Variants in COL13A1 observed in about 807,000 individuals in gnomAD.
The protein encoded by COL13A1 is collagen type XIII alpha 1 chain.
A neutral mutation model predicts 130.9 loss-of-function variants in COL13A1; 89 were observed. The observed-to-expected ratio is 0.68, with a 90% CI of 0.57 to 0.81. The LOEUF (loss-of-function observed/expected upper bound fraction) is 0.81, where lower values mean the gene tolerates loss of function less well. COL13A1 is among the 30% of genes least tolerant of loss of function. The pLI is 0.00. For synonymous variants in COL13A1, 402 were observed against 341.6 expected, an observed-to-expected ratio of 1.18 and a Z score of -1.95; for missense variants, 879 against 934.6, an observed-to-expected ratio of 0.94 and a Z score of 0.78.
intron 36 of COL13A1, among the ~76,000 whole-genome samples, chr10:69,944,813 G>A (rs897303779): frequency 3.3e-5 from 5 of 152,196 alleles, no homozygotes; most frequent in Non-Finnish European, 7.3e-5. Flanking sequence ...GGCCCTGGGC[G>A]CCATTGTCAC....
chr10:69,923,855 G>C lies in COL13A1; in HGVS notation c.1284G>C (p.Lys428Asn), dbSNP rs2065002837. 1.2e-6 allele frequency: 2 copies of C among 1,611,772 alleles called. No individual in the cohort carries two copies. The highest frequency in any genetic ancestry group is 4.5e-5 in the East Asian group (2 of 44,836). Residue 428 changes from lysine to asparagine, a missense_variant and splice_region_variant, in exon 24 of 41, where the codon AAG (lysine) becomes AAC (asparagine). Physicochemically the swap from Lys to Asn is moderately conservative, Grantham distance 94. Coordinates refer to ENST00000645393, the MANE Select transcript of COL13A1 (RefSeq NM_001368882.1). ...GCCCCCCAGGGCAGCCAGGAGACAA[G>C]GTACAGAGACCCCCACATCCCAGAG... Reference protein sequence around the residue: ...QVGPPGQPGDKGERGAAGEQG... With the variant: ...QVGPPGQPGDNGERGAAGEQG...
chr10:69,929,176 C>A (rs2065782630), intron 28 of COL13A1, among the ~76,000 whole-genome samples, 177 bp downstream of exon 28: 1 of 151,790 alleles, frequency 6.6e-6, no homozygotes, highest in Non-Finnish European at 1.5e-5. Flanking sequence ...TCTAGCCAAC[C>A]CTTGCCATCT....
chr10:69,850,209 C>G (rs991122331), intron 2 of COL13A1, among the ~76,000 whole-genome samples: 1 of 151,346 alleles, frequency 6.6e-6, no homozygotes, highest in African/African-American at 2.4e-5. Flanking sequence ...TGTGCATTAA[C>G]TCATTAAATC....
intron 1 of COL13A1, among the ~76,000 whole-genome samples, chr10:69,811,931 C>A (rs1314405486): frequency 6.6e-6 from 1 of 152,134 alleles, no homozygotes; most frequent in African/African-American, 2.4e-5. Context: ...AGCTCTCCTG[C>A]CCACACCTTC....
In COL13A1 at chr10:69,928,944, C is replaced by G; in HGVS notation, c.1430C>G (p.Pro477Arg). Residue 477 changes from proline (P) to arginine (R), a missense_variant, in exon 28 of 41, where the codon CCT (proline) becomes CGT (arginine). Pro to Arg is a moderately radical substitution (Grantham distance 103). Coordinates refer to ENST00000645393, the MANE Select transcript of COL13A1 (RefSeq NM_001368882.1). ...CTTTCCTTTCTCTCCTAGGGGCCTC[C>G]TGGTCTTCCTGGGCAAATTGGCCCA... ...EIRTLALMGP[P>R]GLPGQIGPPG... 8 of 1,613,188 alleles carry G rather than the reference C, an allele frequency of 5.0e-6. No individual in the cohort carries two copies. The highest frequency in any genetic ancestry group is 1.1e-5 in the South Asian group (1 of 90,946).
intron 2 of COL13A1, among the ~76,000 whole-genome samples, chr10:69,849,353 G>C (rs765004386): frequency 1.3e-5 from 2 of 152,128 alleles, no homozygotes; most frequent in Non-Finnish European, 2.9e-5. Context: ...CGGGGGTGGG[G>C]GGCGCTTCCG....
chr10:69,929,094 T>A, intron 28 of COL13A1, 95 bp downstream of exon 28: 1 of 934,616 alleles, frequency 1.1e-6, no homozygotes, highest in Non-Finnish European at 1.7e-6. Context: ...TTCCCAGCAC[T>A]ACCACCATAC....
chr10:69,887,287 A>G (rs2060686455), intron 7 of COL13A1, among the ~76,000 whole-genome samples, 169 bp from the exon 8 acceptor site: 1 of 151,972 alleles, frequency 6.6e-6, no homozygotes, highest in African/African-American at 2.4e-5. Flanking sequence ...ATGATGTTCC[A>G]TTTCATCTTT....
At chr10:69,953,194 C>G (rs1485404743) in intron 39 of COL13A1, among the ~76,000 whole-genome samples, 1 of 152,186 alleles carries the variant, frequency 6.6e-6, no homozygotes, top group Non-Finnish European at 1.5e-5. Flanking sequence ...AATCCTTTTC[C>G]TTTGAAGATA....
At chr10:69,808,222 C>G (rs999425842) in intron 1 of COL13A1, among the ~76,000 whole-genome samples, 1 of 152,166 alleles carries the variant, frequency 6.6e-6, no homozygotes, top group Non-Finnish European at 1.5e-5. Flanking sequence ...AAACACCATT[C>G]CATCTGCCCT....
chr10:69,872,090 G>T (rs2059127750), intron 3 of COL13A1, 94 bp from the exon 4 acceptor site: 18 of 1,441,044 alleles, frequency 1.2e-5, no homozygotes, highest in Non-Finnish European at 1.6e-5. Context: ...TACCCAAGTG[G>T]CATGCCAAGG....
In COL13A1 at chr10:69,918,313, TGAA is replaced by T; in HGVS notation, c.997_999del (p.Lys333del). On this transcript the variant is annotated inframe_deletion and splice_region_variant, in exon 19 of 41. Coordinates refer to ENST00000645393, the MANE Select transcript of COL13A1 (RefSeq NM_001368882.1). ...GCGCCCGGAATTGCCGTGGCTGGGATGAAGGTCAGTGGACTGTTGTAACCAACA... is the reference window on the plus strand; with the variant it reads ...GCGCCCGGAATTGCCGTGGCTGGGATGGTCAGTGGACTGTTGTAACCAACA... The T allele has an allele frequency of 6.2e-7, 1 of 1,612,980 alleles. No homozygotes were observed. Among genetic ancestry groups the T allele is most frequent in the Non-Finnish European group, 8.5e-7 (1 of 1,179,482 alleles).
intron 2 of COL13A1, among the ~76,000 whole-genome samples, chr10:69,829,821 G>C (rs977232437): frequency 6.6e-6 from 1 of 152,212 alleles, no homozygotes; most frequent in African/African-American, 2.4e-5. Context: ...ATCTGCCCCT[G>C]GAAGAGCCTT....
chr10:69,885,760 T>C (rs2060538877), intron 7 of COL13A1, among the ~76,000 whole-genome samples: 1 of 152,214 alleles, frequency 6.6e-6, no homozygotes, highest in South Asian at 2.1e-4. Flanking sequence ...GCTTCAGAGA[T>C]GACATTGTGT....
chr10:69,949,261 C>T (rs1320631417), intron 38 of COL13A1, among the ~76,000 whole-genome samples: 5 of 152,202 alleles, frequency 3.3e-5, no homozygotes, highest in Admixed American at 3.3e-4. Context: ...CAGCTCATTG[C>T]AAACTCCGCC....
intron 7 of COL13A1, among the ~76,000 whole-genome samples, chr10:69,886,005 G>A (rs909157574): frequency 6.6e-6 from 1 of 152,142 alleles, no homozygotes; most frequent in Non-Finnish European, 1.5e-5. Context: ...CTGAGCACAG[G>A]CCACTGGACA....
At chr10:69,900,351 C>A (rs2062062477) in intron 14 of COL13A1, among the ~76,000 whole-genome samples, 1 of 152,228 alleles carries the variant, frequency 6.6e-6, no homozygotes, top group Non-Finnish European at 1.5e-5. Flanking sequence ...ATCTCACTAT[C>A]CCCCGCTTTA....
intron 13 of COL13A1, among the ~76,000 whole-genome samples, chr10:69,897,930 T>G (rs964182898): frequency 6.6e-6 from 1 of 152,152 alleles, no homozygotes; most frequent in Admixed American, 6.5e-5. Context: ...AAAATCACAT[T>G]AGATAATATG....
At chr10:69,850,047 G>A (rs1308661148) in intron 2 of COL13A1, among the ~76,000 whole-genome samples, 5 of 152,114 alleles carry the variant, frequency 3.3e-5, no homozygotes, top group Non-Finnish European at 7.3e-5. Flanking sequence ...ACAGACATTA[G>A]CTGGTGGCTG....
Sources: gnomAD v4.1 joint callset for allele counts (sites outside exome capture counted in the v4.1 genomes callset) on GRCh38, gnomAD v4.1.1 for gene constraint, MANE v1.5 for transcripts, NCBI Gene and HGNC (gene_info 2026-07-23, HGNC 2026-07-21) for gene names.